SCML2: variants seen among roughly 807,000 people sequenced by gnomAD.
SCML2 encodes Scm polycomb group protein like 2.
In SCML2, 6 loss-of-function variants were observed where a neutral mutation model predicts 48.4. The observed-to-expected ratio is 0.12, with a 90% confidence interval of 0.07 to 0.24. The LOEUF (loss-of-function observed/expected upper bound fraction) is 0.24. SCML2 is among the 10% of genes least tolerant of loss of function. SCML2 has a pLI of 1.00. For synonymous variants in SCML2, 181 were observed against 189.5 expected, an observed-to-expected ratio of 0.95 and a Z score of 0.37; for missense variants, 377 against 528.2, an observed-to-expected ratio of 0.71 and a Z score of 2.81.
At chrX:18,287,516 T>C (rs941286602) in intron 7 of SCML2, among the ~76,000 whole-genome samples, 1 of 111,749 alleles carries the variant, frequency 8.9e-6, no homozygotes, top group Non-Finnish European at 1.9e-5. Context: ...GCAATGTTAC[T>C]GGGAAAAATT....
At chrX:18,344,052 G>A (rs956290200) in intron 1 of SCML2, among the ~76,000 whole-genome samples, 2 of 108,588 alleles carry the variant, frequency 1.8e-5, no homozygotes, top group Admixed American at 9.9e-5. Flanking sequence ...TTTTTTAAAA[G>A]ACCAGGTGCA....
chrX:18,309,318 A>C (rs1340823645), intron 6 of SCML2, among the ~76,000 whole-genome samples: 1 of 111,548 alleles, frequency 9.0e-6, no homozygotes, highest in Non-Finnish European at 1.9e-5. Flanking sequence ...GAAAATACTT[A>C]TACACTACTG....
chrX:18,354,052 C>G (rs923961904), intron 1 of SCML2, among the ~76,000 whole-genome samples: 2 of 112,537 alleles, frequency 1.8e-5, no homozygotes, highest in Admixed American at 1.9e-4. Context: ...CCGGCGCCCC[C>G]AGCCCCCGCC....
chrX:18,241,661 A>C (rs1342876376), intron 14 of SCML2, among the ~76,000 whole-genome samples: 2 of 112,296 alleles, frequency 1.8e-5, no homozygotes, highest in Non-Finnish European at 3.8e-5. Context: ...TAAAATACTA[A>C]ATATATCTAT....
At chrX:18,336,037 G>A (rs1248814004) in intron 1 of SCML2, among the ~76,000 whole-genome samples, 1 of 112,291 alleles carries the variant, frequency 8.9e-6, no homozygotes, top group Non-Finnish European at 1.9e-5. Context: ...ATACAAATTA[G>A]ATCAGTGGAA....
At chrX:18,341,528 T>C (rs1031504606) in intron 1 of SCML2, among the ~76,000 whole-genome samples, 1 of 111,644 alleles carries the variant, frequency 9.0e-6, no homozygotes, top group Non-Finnish European at 1.9e-5. Context: ...TGGTTTGCCC[T>C]GGGATATTAT....
intron 3 of SCML2, among the ~76,000 whole-genome samples, chrX:18,329,603 G>C (rs948123481): frequency 7.1e-5 from 8 of 112,558 alleles, no homozygotes; most frequent in African/African-American, 2.6e-4. Flanking sequence ...CATCTCCTGA[G>C]TGTCTCTGAT....
intron 7 of SCML2, among the ~76,000 whole-genome samples, chrX:18,286,736 T>A (rs916308827): frequency 9.0e-6 from 1 of 110,714 alleles, no homozygotes; most frequent in African/African-American, 3.3e-5. Flanking sequence ...TCATTCTTTC[T>A]CCCACTTCCT....
At chrX:18,299,655 C>T (rs1419215007) in intron 7 of SCML2, among the ~76,000 whole-genome samples, 1 of 108,288 alleles carries the variant, frequency 9.2e-6, no homozygotes, top group African/African-American at 3.4e-5. Context: ...AATGAGTTAT[C>T]ATCTTACTCC....
intron 1 of SCML2, among the ~76,000 whole-genome samples, chrX:18,335,316 C>T (rs1187760760): frequency 1.8e-5 from 2 of 110,868 alleles, no homozygotes; most frequent in Non-Finnish European, 3.8e-5. Flanking sequence ...CCAGCCTGGG[C>T]AACATGGTGA....
At position 18,239,965 on chromosome X, in the gene SCML2, G is replaced by C; in HGVS notation, c.*1286C>G. The C allele has an allele frequency of 8.9e-6, 1 of 112,158 alleles. No individual in the cohort carries two copies. The highest frequency in any genetic ancestry group is 2.8e-4 in the East Asian group (1 of 3,608). The allele number at this position is 112,158 out of a possible 1,213,427, so 9.2% of individuals were successfully genotyped here. A position where few individuals can be genotyped will look rare whatever the true frequency, so the allele number is the denominator to read the frequency against. ...TATTGCACTCCAGCCTGGGCAACAA[G>C]AGTGAAACTCCATCTCAAAAAAATA... On this transcript the variant is annotated 3_prime_UTR_variant, in exon 15 of 15. Coordinates refer to ENST00000251900, the MANE Select transcript of SCML2 (RefSeq NM_006089.3).
intron 7 of SCML2, among the ~76,000 whole-genome samples, chrX:18,298,661 A>C (rs1928476855): frequency 9.0e-6 from 1 of 111,072 alleles, no homozygotes; most frequent in African/African-American, 3.3e-5. Flanking sequence ...GTTCGAGACC[A>C]GACTGGCCAA....
In SCML2 at chrX:18,302,304, C is replaced by T. The variant is rs188693208; in HGVS notation, c.730+2668G>A. On this transcript the variant is annotated intron_variant, in intron 7 of 14. Coordinates refer to ENST00000251900, the MANE Select transcript of SCML2 (RefSeq NM_006089.3). The stretch of plus-strand genomic sequence containing the variant: ...TGCCTTTGATAATGTTGAGTACTTT[C>T]TCCTTAAAATCTTTTCTCTCCTGTT... 1.5e-3 allele frequency among the ~76,000 whole-genome samples: 168 copies of T among 111,212 alleles called. 1 individual carries two copies. The highest frequency in any genetic ancestry group is 5.3e-3 in the African/African-American group (161 of 30,541).
intron 13 of SCML2, among the ~76,000 whole-genome samples, chrX:18,243,022 T>C (rs1179906372): frequency 2.7e-5 from 3 of 112,591 alleles, no homozygotes; most frequent in African/African-American, 9.7e-5. Context: ...CTAAATCCGA[T>C]GGAAATTCCC....
chrX:18,250,116 A>AC, intron 11 of SCML2, among the ~76,000 whole-genome samples: 1 of 111,670 alleles, frequency 9.0e-6, no homozygotes, highest in Non-Finnish European at 1.9e-5. Context: ...AACAAAAAAA[A>AC]AATGAGACAT....
rs1929432310 is a variant in SCML2 at position 18,324,936 on chromosome X, T to C, written c.133A>G (p.Ile45Val). 7.5e-6 allele frequency: 9 copies of C among 1,205,001 alleles called. No individual in the cohort carries two copies. The highest frequency in any genetic ancestry group is 7.9e-6 in the Non-Finnish European group (7 of 889,821). Residue 45 changes from isoleucine (I) to valine (V), a missense_variant, in exon 4 of 15, where the codon ATA (isoleucine) becomes GTA (valine). By Grantham distance (29) the Ile-to-Val change is conservative. Coordinates refer to ENST00000251900, the MANE Select transcript of SCML2 (RefSeq NM_006089.3). ...WEEYLKETGS[I>V]SAPSECFRQS... ...CGGAAGCACTCTGAAGGAGCACTTA[T>C]AGACCCAGTCTCTTTCAAATACTCC...
intron 7 of SCML2, among the ~76,000 whole-genome samples, chrX:18,282,744 GAA>G (rs1465253346): frequency 4.5e-5 from 5 of 111,706 alleles, no homozygotes; most frequent in African/African-American, 1.3e-4. Flanking sequence ...GATTGAATAA[GAA>G]AGAGATTGAA....
At chrX:18,350,891 G>A (rs1157039526) in intron 1 of SCML2, among the ~76,000 whole-genome samples, 1 of 111,484 alleles carries the variant, frequency 9.0e-6, no homozygotes, top group Non-Finnish European at 1.9e-5. Flanking sequence ...AACGCCAGTG[G>A]TTTCTTTTAT....
intron 8 of SCML2, among the ~76,000 whole-genome samples, chrX:18,265,252 A>C (rs190797941): frequency 2.8e-3 from 316 of 112,167 alleles, no homozygotes; most frequent in African/African-American, 9.7e-3. Context: ...CAGTTTATTG[A>C]GGTATAATAT....
Sources: allele counts gnomAD v4.1 joint callset (sites outside exome capture counted in the v4.1 genomes callset), GRCh38; gene constraint gnomAD v4.1.1; transcripts MANE v1.5; gene names NCBI Gene and HGNC (gene_info 2026-07-23, HGNC 2026-07-21).